The following PCDH15 variants were observed in gnomAD, a reference collection of about 807,000 sequenced individuals.
The protein encoded by PCDH15 is protocadherin related 15.
In PCDH15, 129 loss-of-function variants were observed where a neutral mutation model predicts 178.5. That is an observed-to-expected ratio of 0.72 (90% CI 0.63 to 0.84). The LOEUF is 0.84. PCDH15 is among the 40% of genes least tolerant of loss of function. The probability of loss-of-function intolerance (pLI) is 0.00; values close to 1 mark genes in which losing one functional copy is unlikely to be tolerated. For missense variants in PCDH15, 2,230 were observed against 2,099.9 expected, an observed-to-expected ratio of 1.06 and a Z score of -1.21; for synonymous variants, 800 against 732.0, an observed-to-expected ratio of 1.09 and a Z score of -1.50.
At chr10:54,569,638 G>A (rs990807169) in intron 2 of PCDH15, among the ~76,000 whole-genome samples, 2 of 152,118 alleles carry the variant, frequency 1.3e-5, no homozygotes, top group African/African-American at 4.8e-5. Context: ...CTACTCCAAG[G>A]TTGGCTTTGG....
At chr10:55,235,292 T>C (rs776242988) in intron 1 of PCDH15, among the ~76,000 whole-genome samples, 1 of 152,092 alleles carries the variant, frequency 6.6e-6, no homozygotes, top group Non-Finnish European at 1.5e-5. Context: ...CTCCTTTTTC[T>C]TTCTCTTTGC....
At chr10:54,913,864 C>A (rs529120805) in intron 2 of PCDH15, among the ~76,000 whole-genome samples, 2 of 152,260 alleles carry the variant, frequency 1.3e-5, no homozygotes, top group African/African-American at 4.8e-5. Context: ...GGGCCTGTAG[C>A]CCCTTTGTTT....
At position 54,414,741 on chromosome 10, in the gene PCDH15, G is replaced by T. The variant is rs552318970; in HGVS notation, c.158-35799C>A. Among the ~76,000 whole-genome samples the T allele has an allele frequency of 2.0e-5, 3 of 151,926 alleles. No individual in the cohort carries two copies. The South Asian group carries it at 6.2e-4, about 32-fold the overall frequency. On this transcript the variant is annotated intron_variant, in intron 3 of 37. Transcript: ENST00000644397. ...AGCATTATATAACACATGAGAAAAC[G>T]AAGCCCAGAGAGTTTATGTCACTTG...
At chr10:54,474,106 C>G (rs2078106576) in intron 3 of PCDH15, among the ~76,000 whole-genome samples, 1 of 151,514 alleles carries the variant, frequency 6.6e-6, no homozygotes, top group African/African-American at 2.4e-5. Context: ...ATTCGAATTG[C>G]AAAAAAATTT....
intron 3 of PCDH15, among the ~76,000 whole-genome samples, chr10:54,810,298 C>T (rs1281415170): frequency 6.6e-6 from 1 of 152,066 alleles, no homozygotes; most frequent in Non-Finnish European, 1.5e-5. Flanking sequence ...TTTTTCACCT[C>T]ATATACCAAA....
At chr10:54,644,603 T>C (rs1369922287) in intron 2 of PCDH15, among the ~76,000 whole-genome samples, 1 of 152,100 alleles carries the variant, frequency 6.6e-6, no homozygotes, top group East Asian at 1.9e-4. Context: ...ATTCCATCAT[T>C]GGCCAGTCAT....
At chr10:55,076,215 G>T (rs1442806640) in intron 2 of PCDH15, among the ~76,000 whole-genome samples, 3 of 152,094 alleles carry the variant, frequency 2.0e-5, no homozygotes, top group Admixed American at 6.6e-5. Context: ...GCAGTTGTTG[G>T]ATAACATGCT....
intron 2 of PCDH15, among the ~76,000 whole-genome samples, chr10:54,646,585 T>A (rs1032550943): frequency 6.6e-6 from 1 of 152,118 alleles, no homozygotes; most frequent in Non-Finnish European, 1.5e-5. Context: ...TACTAAGGTA[T>A]TAAAATACAA....
intron 3 of PCDH15, among the ~76,000 whole-genome samples, chr10:54,483,083 G>T (rs1325102561): frequency 6.6e-6 from 1 of 151,764 alleles, no homozygotes; most frequent in Non-Finnish European, 1.5e-5. Context: ...GATCACAAAT[G>T]ATTCTGTTTC....
rs73256016 is a variant in PCDH15 at position 54,844,160 on chromosome 10, A to C, written c.-29+53290T>G. On this transcript the variant is annotated intron_variant, in intron 3 of 5. Transcript: ENST00000458638. ...CAGCCAGTTCCATTTGGCAAATACAAATAGATAAGAGGTGCTAGTGATGAT... is the reference window on the plus strand; with the variant it reads ...CAGCCAGTTCCATTTGGCAAATACACATAGATAAGAGGTGCTAGTGATGAT... 3.7e-3 allele frequency among the ~76,000 whole-genome samples: 564 copies of C among 152,130 alleles called. 1 individual carries two copies. The highest frequency in any genetic ancestry group is 0.013 in the African/African-American group (542 of 41,570).
intron 2 of PCDH15, among the ~76,000 whole-genome samples, chr10:54,625,345 A>G (rs1169670392): frequency 6.6e-6 from 1 of 152,182 alleles, no homozygotes; most frequent in East Asian, 1.9e-4. Flanking sequence ...TAAATTCTCT[A>G]AGAAAAGGGA....
At chr10:55,585,713 T>A (rs1842713642) in intron 2 of PCDH15, among the ~76,000 whole-genome samples, 1 of 152,046 alleles carries the variant, frequency 6.6e-6, no homozygotes, top group South Asian at 2.1e-4. Context: ...CATACATACA[T>A]CTCAAGTATG....
At chr10:55,435,753 A>G (rs1223774349) in intron 2 of PCDH15, among the ~76,000 whole-genome samples, 1 of 152,206 alleles carries the variant, frequency 6.6e-6, no homozygotes, top group African/African-American at 2.4e-5. Context: ...CTTGGGATTT[A>G]TAACTGTCGT....
intron 27 of PCDH15, among the ~76,000 whole-genome samples, chr10:53,863,729 T>C (rs981285655): frequency 2.6e-5 from 4 of 152,140 alleles, no homozygotes; most frequent in African/African-American, 9.7e-5. Context: ...GAAATTTATA[T>C]TAATAATGTA....
At chr10:54,315,835 A>G (rs1232064205) in intron 8 of PCDH15, among the ~76,000 whole-genome samples, 1 of 152,138 alleles carries the variant, frequency 6.6e-6, no homozygotes. Flanking sequence ...AGATGGCAGT[A>G]GGTGTGCAGC....
At position 53,831,321 on chromosome 10, in the gene PCDH15, T is replaced by C; in HGVS notation, c.4196A>G (p.Tyr1399Cys). Residue 1399 changes from tyrosine to cysteine, a missense_variant, in exon 30 of 38, where the codon TAC becomes TGC. Coordinates refer to ENST00000644397, the MANE Select transcript of PCDH15 (RefSeq NM_001384140.1). ...IPAILVVLVS[Y>C]RQFKVRQAEC... ...ACCATCCTTGAATACTTACTGTCTGTAGCTGACCAAAACCACCAAGATGGC... is the reference window on the plus strand; with the variant it reads ...ACCATCCTTGAATACTTACTGTCTGCAGCTGACCAAAACCACCAAGATGGC... The C allele has an allele frequency of 6.2e-7, 1 of 1,614,134 alleles. No individual in the cohort carries two copies. Among genetic ancestry groups the C allele is most frequent in the Non-Finnish European group, 8.5e-7 (1 of 1,179,990 alleles).
intron 8 of PCDH15, among the ~76,000 whole-genome samples, chr10:54,282,183 T>C (rs913290722): frequency 6.6e-6 from 1 of 152,120 alleles, no homozygotes; most frequent in Non-Finnish European, 1.5e-5. Flanking sequence ...TAACACCACC[T>C]GGAAACCTGC....
At chr10:54,989,852 C>A (rs1362318811) in intron 2 of PCDH15, among the ~76,000 whole-genome samples, 1 of 152,126 alleles carries the variant, frequency 6.6e-6, no homozygotes, top group Admixed American at 6.5e-5. Context: ...ATCTTGCATT[C>A]TCACATCTTG....
chr10:55,232,823 AGTTACATAAGCTC>A (rs1841263829), intron 1 of PCDH15, among the ~76,000 whole-genome samples: 1 of 152,096 alleles, frequency 6.6e-6, no homozygotes, highest in Non-Finnish European at 1.5e-5. Context: ...CCAACAATCA[AGTTACATAAGCTC>A]CAAAGCCTAG....
Sources: gnomAD v4.1 joint callset for allele counts (sites outside exome capture counted in the v4.1 genomes callset) on GRCh38, gnomAD v4.1.1 for gene constraint, MANE v1.5 for transcripts, NCBI Gene and HGNC (gene_info 2026-07-23, HGNC 2026-07-21) for gene names.